The following NXPE4 variants were observed in gnomAD, a reference collection of about 807,000 sequenced individuals.
The protein encoded by NXPE4 is NXPE family member 4.
NXPE4 carries 42 observed loss-of-function variants against 33.3 expected under a neutral mutation model. That is an observed-to-expected ratio of 1.26 (90% CI 0.98 to 1.63). The LOEUF (loss-of-function observed/expected upper bound fraction) is 1.63, where lower values mean the gene tolerates loss of function less well. Ranked by LOEUF, NXPE4 falls within the 40% of genes most tolerant of loss-of-function variation. The probability of loss-of-function intolerance (pLI) is 0.00; values close to 1 mark genes in which losing one functional copy is unlikely to be tolerated. For synonymous variants in NXPE4, 253 were observed against 234.9 expected, an observed-to-expected ratio of 1.08 and a Z score of -0.71; for missense variants, 709 against 647.6, an observed-to-expected ratio of 1.09 and a Z score of -1.03.
At chr11:114,671,123 G>A in the NXPE4 span, among the ~76,000 whole-genome samples, 1 of 149,008 alleles carries the variant, frequency 6.7e-6, no homozygotes, top group East Asian at 1.9e-4. Flanking sequence ...TTGAAATTCT[G>A]GAGTTGAAAA....
At chr11:114,588,876 A>G (rs1949373871) in intron 2 of NXPE4, among the ~76,000 whole-genome samples, 1 of 152,186 alleles carries the variant, frequency 6.6e-6, no homozygotes, top group Admixed American at 6.5e-5. Context: ...TTACACAGGC[A>G]GCTCCCAATA....
chr11:114,614,723 G>A, the NXPE4 span, among the ~76,000 whole-genome samples: 1 of 151,694 alleles, frequency 6.6e-6, no homozygotes, highest in South Asian at 2.1e-4. Context: ...AATAAGTGTT[G>A]CCTCCTGCGT....
At chr11:114,575,517 A>T (rs1409292118) in intron 5 of NXPE4, among the ~76,000 whole-genome samples, 1 of 152,128 alleles carries the variant, frequency 6.6e-6, no homozygotes, top group Non-Finnish European at 1.5e-5. Flanking sequence ...ATTAATATAC[A>T]CAAATCAGTA....
the NXPE4 span, among the ~76,000 whole-genome samples, chr11:114,626,949 T>C: frequency 0.09 from 13,453 of 149,374 alleles, 709 homozygotes; most frequent in Middle Eastern, 0.2. Context: ...TGAAATGAAG[T>C]GAGAAGGGAA....
chr11:114,608,751 GATA>G, the NXPE4 span, among the ~76,000 whole-genome samples: 2 of 151,546 alleles, frequency 1.3e-5, no homozygotes, highest in African/African-American at 2.4e-5. Context: ...TTACCCAATG[GATA>G]ATAAGTACTG....
chr11:114,659,055 C>A, the NXPE4 span, among the ~76,000 whole-genome samples: 1 of 152,090 alleles, frequency 6.6e-6, no homozygotes, highest in Non-Finnish European at 1.5e-5. Context: ...ACCAAGTAAC[C>A]AGAAAAATTT....
intron 2 of NXPE4, among the ~76,000 whole-genome samples, chr11:114,587,099 A>C (rs536620863): frequency 1.8e-4 from 27 of 152,080 alleles, no homozygotes; most frequent in African/African-American, 6.0e-4. Context: ...AACACTCTTA[A>C]CTTCCTAATT....
the NXPE4 span, among the ~76,000 whole-genome samples, chr11:114,617,582 G>A: frequency 1.3e-4 from 20 of 150,108 alleles, no homozygotes; most frequent in South Asian, 4.2e-4. Flanking sequence ...ACGGGTAACC[G>A]GTGTTACCCG....
At chr11:114,642,310 G>A in the NXPE4 span, among the ~76,000 whole-genome samples, 24,963 of 151,940 alleles carry the variant, frequency 0.16, 2,674 homozygotes, top group Non-Finnish European at 0.22. Flanking sequence ...ATGAGCAGTG[G>A]TTTGTAGTTC....
chr11:114,630,996 A>G, the NXPE4 span, among the ~76,000 whole-genome samples: 14 of 150,984 alleles, frequency 9.3e-5, no homozygotes, highest in Non-Finnish European at 1.9e-4. Flanking sequence ...ACCAGTTAGA[A>G]TGGCAATCAT....
chr11:114,645,347 C>T, the NXPE4 span, among the ~76,000 whole-genome samples: 8 of 151,758 alleles, frequency 5.3e-5, no homozygotes, highest in African/African-American at 1.9e-4. Context: ...CAAAAGATTC[C>T]CTATACCACA....
At chr11:114,637,207 C>T in the NXPE4 span, among the ~76,000 whole-genome samples, 1 of 152,056 alleles carries the variant, frequency 6.6e-6, no homozygotes, top group East Asian at 1.9e-4. Flanking sequence ...GATCCCTTTA[C>T]CATTAAGTAA....
the NXPE4 span, among the ~76,000 whole-genome samples, chr11:114,610,128 C>T: frequency 5.3e-5 from 8 of 151,460 alleles, no homozygotes; most frequent in South Asian, 4.2e-4. Context: ...CCCGTTACCC[C>T]GTGGATAATA....
At chr11:114,665,575 G>A in the NXPE4 span, among the ~76,000 whole-genome samples, 4 of 152,152 alleles carry the variant, frequency 2.6e-5, no homozygotes, top group African/African-American at 9.6e-5. Context: ...TGAAGCCCAC[G>A]TAGTTAACAT....
At chr11:114,593,031 A>G (rs192419497) in intron 2 of NXPE4, among the ~76,000 whole-genome samples, 1 of 152,278 alleles carries the variant, frequency 6.6e-6, no homozygotes, top group Admixed American at 6.5e-5. Context: ...CAGTTACAAA[A>G]TGAATTAAAG....
chr11:114,617,785 G>GATA, the NXPE4 span, among the ~76,000 whole-genome samples: 2 of 152,096 alleles, frequency 1.3e-5, no homozygotes, highest in Non-Finnish European at 2.9e-5. Context: ...TTGCCTTGTG[G>GATA]GTAAGCACGG....
At chr11:114,641,855 T>TG in the NXPE4 span, among the ~76,000 whole-genome samples, 4 of 152,174 alleles carry the variant, frequency 2.6e-5, no homozygotes, top group East Asian at 3.9e-4. Context: ...AAAGATTATT[T>TG]GGGGAATAAA....
chr11:114,668,985 C>A, the NXPE4 span, among the ~76,000 whole-genome samples: 1 of 152,062 alleles, frequency 6.6e-6, no homozygotes, highest in Non-Finnish European at 1.5e-5. Context: ...CCATTCCACT[C>A]CCAGCTCTAT....
At chr11:114,673,807 G>C in the NXPE4 span, among the ~76,000 whole-genome samples, 51 of 151,894 alleles carry the variant, frequency 3.4e-4, no homozygotes, top group African/African-American at 4.8e-4. Context: ...TTCCCACAAA[G>C]ATAGGAAGCC....
Sources: allele counts gnomAD v4.1 joint callset (sites outside exome capture counted in the v4.1 genomes callset), GRCh38; gene constraint gnomAD v4.1.1; transcripts MANE v1.5; gene names NCBI Gene and HGNC (gene_info 2026-07-23, HGNC 2026-07-21).